Variants in CYP4B1 observed in about 807,000 individuals in gnomAD.
CYP4B1 encodes cytochrome P450 family 4 subfamily B member 1.
A neutral mutation model predicts 54.0 loss-of-function variants in CYP4B1; 45 were observed. The ratio of observed to expected loss-of-function variants is 0.83; its 90% CI spans 0.66 to 1.07. The LOEUF (loss-of-function observed/expected upper bound fraction) is 1.07, where lower values mean the gene tolerates loss of function less well. CYP4B1 is among the 50% of genes least tolerant of loss of function. The pLI, the probability that CYP4B1 is intolerant of heterozygous loss-of-function variation, is 0.00. For synonymous variants in CYP4B1, 248 were observed against 247.5 expected (o/e 1.00, Z -0.02); for missense variants, 656 against 655.4 (o/e 1.00, Z -0.01).
At chr1:46,811,672 G>A (rs748568423) in intron 3 of CYP4B1, among the ~76,000 whole-genome samples, 1 of 152,212 alleles carries the variant, frequency 6.6e-6, no homozygotes, top group African/African-American at 2.4e-5. Context: ...TTGATGTTGA[G>A]AGTAGGTGGG....
rs751978281 is a variant in CYP4B1, at chr1:46,812,608, T to C, written c.480T>C (p.Ser160=). The change falls in exon 4 of 12, where the codon TCT becomes TCC. Residue 160 remains serine (S), a synonymous_variant. Coordinates refer to ENST00000371923, the MANE Select transcript of CYP4B1 (RefSeq NM_001099772.2). ...CCTATGTGGCCGTGTTCACTGAGTC[T>C]ACACGTATCATGCTGGTGAGCTCCC... is the stretch of plus-strand genomic sequence containing the variant. The part of the protein sequence containing the change: ...LKPYVAVFTE[S]TRIMLDKWEE... 2.5e-6 allele frequency: 4 copies of C among 1,614,046 alleles called. No homozygotes were observed. Among genetic ancestry groups the C allele is most frequent in the Non-Finnish European group, 3.4e-6 (4 of 1,179,924 alleles).
rs199635733 is a variant in CYP4B1 at position 46,814,608 on chromosome 1, CTTCA to C, written c.882+314_882+317del. 4.1e-3 allele frequency: 1,587 copies of C among 382,426 alleles called. 28 individuals are homozygous for C. Among genetic ancestry groups the C allele is most frequent in the African/African-American group, 0.029 (1,422 of 48,474 alleles). The allele number at this position is 382,426 out of a possible 1,614,324, so 23.7% of individuals were successfully genotyped here. ...CCTTGTAGAATCCTAGAATCTTAGA[CTTCA>C]TTCATTCATTCATTCATTCAGTAAG... On this transcript the variant is annotated intron_variant, in intron 7 of 11. Coordinates refer to ENST00000371923, the MANE Select transcript of CYP4B1 (RefSeq NM_001099772.2).
In CYP4B1 at chr1:46,811,212, T is replaced by G. The variant is rs11811700; in HGVS notation, c.367+28T>G. On this transcript the variant is annotated intron_variant, in intron 3 of 11. Coordinates refer to ENST00000371923, the MANE Select transcript of CYP4B1 (RefSeq NM_001099772.2). ...GAGTGAGCACCTGCCTTCCCTGCCCTGCCAACCTCAGACCCGTGGTGCTGG... is the reference window on the plus strand; with the variant it reads ...GAGTGAGCACCTGCCTTCCCTGCCCGGCCAACCTCAGACCCGTGGTGCTGG... 0.014 allele frequency: 23,206 copies of G among 1,612,228 alleles called. 1,681 individuals carry two copies. In the African/African-American group the frequency reaches 0.2, roughly 14 times the overall value.
intron 4 of CYP4B1, 108 bp from the exon 5 acceptor site, chr1:46,813,374 C>G (rs1355385939): frequency 3.0e-6 from 4 of 1,343,238 alleles, no homozygotes; most frequent in African/African-American, 2.9e-5. Context: ...GTGAAGGGGG[C>G]TTGGTGGTGG....
intron 6 of CYP4B1, 64 bp from the exon 7 acceptor site, chr1:46,814,145 C>A (rs1679232745): frequency 3.1e-6 from 5 of 1,608,440 alleles, no homozygotes; most frequent in African/African-American, 1.3e-5. Flanking sequence ...CATTATAGGA[C>A]CCCAGTTCCC....
chr1:46,811,577 G>A (rs1225350438), intron 3 of CYP4B1, among the ~76,000 whole-genome samples: 1 of 152,200 alleles, frequency 6.6e-6, no homozygotes, highest in Non-Finnish European at 1.5e-5. Context: ...AGGCTGTCGG[G>A]GTGGCTACAA....
At chr1:46,811,509 G>A (rs1679099356) in intron 3 of CYP4B1, among the ~76,000 whole-genome samples, 1 of 152,200 alleles carries the variant, frequency 6.6e-6, no homozygotes, top group South Asian at 2.1e-4. Flanking sequence ...GCTGGCCAGG[G>A]CAAGGGCCTA....
Position 46,800,275 on chromosome 1 carries a change from TTCCTTCCTTCCTTCCTTCC to T in CYP4B1, c.180+1016_180+1034del, listed in dbSNP as rs1365778741. 7.3e-4 allele frequency among the ~76,000 whole-genome samples: 93 copies of T among 127,924 alleles called. 14 individuals carry two copies. The highest frequency in any genetic ancestry group is 3.6e-3 in the Middle Eastern group (1 of 274). 83.9% of individuals were successfully genotyped at this position (127,924 alleles called of 152,430 possible). A position where few individuals can be genotyped will look rare whatever the true frequency, so the allele number is the denominator to read the frequency against. On this transcript the variant is annotated intron_variant, in intron 1 of 11. Coordinates refer to ENST00000371923, the MANE Select transcript of CYP4B1 (RefSeq NM_001099772.2). ...CTTCCTTCCTTCCTTCCTTCCTTCC[TTCCTTCCTTCCTTCCTTCC>T]TTCCTTCTTTCCTTCCTTCTCTTTC...
intron 11 of CYP4B1, 136 bp downstream of exon 11, chr1:46,818,349 G>A: frequency 4.7e-6 from 4 of 852,884 alleles, no homozygotes; most frequent in East Asian, 5.1e-5. Flanking sequence ...TAATGCAGGA[G>A]GCTTCTTCTT....
At chr1:46,800,298 C>CTCCCTTCT (rs1553130204) in intron 1 of CYP4B1, among the ~76,000 whole-genome samples, 2 of 87,928 alleles carry the variant, frequency 2.3e-5, no homozygotes, top group Non-Finnish European at 4.3e-5. Flanking sequence ...TCCTTCCTTC[C>CTCCCTTCT]TTCTTTCCTT....
At chr1:46,814,358 G>C (rs760978452) in intron 7 of CYP4B1, 43 bp downstream of exon 7, 9 of 1,482,770 alleles carry the variant, frequency 6.1e-6, no homozygotes, top group Middle Eastern at 3.8e-4. Flanking sequence ...ACTGGTCCCA[G>C]AGAGGTCTTC....
chr1:46,818,939 T>C lies in CYP4B1; in HGVS notation c.*125T>C. The stretch of plus-strand genomic sequence containing the variant: ...GGAGGCTTGTAGTTTAGAAGGGAAG[T>C]AGGCATTACCATAGACGACTCCTAG... On this transcript the variant is annotated 3_prime_UTR_variant, in exon 12 of 12. Transcript: ENST00000371923. 1 of 795,940 alleles carries C rather than the reference T, an allele frequency of 1.3e-6. No homozygotes were observed. The allele number at this position is 795,940 out of a possible 1,614,324, so 49.3% of individuals were successfully genotyped here. A position where few individuals can be genotyped will look rare whatever the true frequency, so the allele number is the denominator to read the frequency against.
chr1:46,799,923 G>A (rs557809409), intron 1 of CYP4B1, among the ~76,000 whole-genome samples: 2 of 152,350 alleles, frequency 1.3e-5, no homozygotes, highest in Non-Finnish European at 2.9e-5. Flanking sequence ...ATCTAGACCA[G>A]AGGTTTCTAA....
rs555208160 is a variant in CYP4B1 at position 46,809,077 on chromosome 1, AC to A, written c.181-1729del. ...TGGCACATGTATACATATGTAACTA[AC>A]CTGCACAATGTGCACATGTACCCTA... On this transcript the variant is annotated intron_variant, in intron 1 of 11. Transcript: ENST00000371923. Among the ~76,000 whole-genome samples the A allele has an allele frequency of 1.6e-4, 25 of 151,972 alleles. No individual in the cohort carries two copies. The South Asian group carries it at 4.6e-3, about 28-fold the overall frequency.
chr1:46,813,674 G>C, intron 5 of CYP4B1, 68 bp downstream of exon 5: 1 of 1,599,102 alleles, frequency 6.3e-7, no homozygotes, highest in Non-Finnish European at 8.5e-7. Context: ...GTTGGCAGGG[G>C]TCCTGGGCTC....
At chr1:46,806,779 C>T (rs1027819582) in intron 1 of CYP4B1, 1 of 152,236 alleles carries the variant, frequency 6.6e-6, no homozygotes, top group Non-Finnish European at 1.5e-5. Context: ...GAATTATTTT[C>T]ATACCCTGCT....
chr1:46,818,603 C>T (rs766819296), intron 11 of CYP4B1, 28 bp from the exon 12 acceptor site: 22 of 1,609,586 alleles, frequency 1.4e-5, no homozygotes, highest in South Asian at 1.1e-4. Context: ...CTCCATTGCA[C>T]GATGACTCTT....
intron 4 of CYP4B1, among the ~76,000 whole-genome samples, chr1:46,813,248 C>T (rs966204559): frequency 6.6e-6 from 1 of 152,220 alleles, no homozygotes; most frequent in African/African-American, 2.4e-5. Flanking sequence ...GTGTGCTGTG[C>T]AAGATCTGCC....
chr1:46,804,489 G>T (rs1277779886), intron 1 of CYP4B1, among the ~76,000 whole-genome samples: 1 of 151,502 alleles, frequency 6.6e-6, no homozygotes, highest in African/African-American at 2.4e-5. Context: ...AGGATGGGAA[G>T]GAGCCTGCAG....
Sources: gnomAD v4.1 joint callset for allele counts (sites outside exome capture counted in the v4.1 genomes callset) on GRCh38, gnomAD v4.1.1 for gene constraint, MANE v1.5 for transcripts, NCBI Gene and HGNC (gene_info 2026-07-23, HGNC 2026-07-21) for gene names.